Variants in HDAC4 observed in about 807,000 individuals in gnomAD.
HDAC4 encodes histone deacetylase 4.
Under a neutral mutation model 135.1 loss-of-function variants are expected in HDAC4, and 16 were observed. The observed-to-expected ratio is 0.12, with a 90% CI of 0.08 to 0.18. The LOEUF is 0.18. Among genes scored for constraint, HDAC4 ranks in the 10% least tolerant of loss-of-function variants. HDAC4 has a pLI of 1.00. For missense variants in HDAC4, 1,143 were observed against 1,511.8 expected, an observed-to-expected ratio of 0.76 and a Z score of 4.05; for synonymous variants, 685 against 653.4, an observed-to-expected ratio of 1.05 and a Z score of -0.74.
chr2:239,102,058 CCCCGGGT>C (rs2037709941), intron 16 of HDAC4, among the ~76,000 whole-genome samples: 2 of 108,016 alleles, frequency 1.9e-5, no homozygotes, highest in East Asian at 3.3e-4. Flanking sequence ...AAGCCCCCGG[CCCCGGGT>C]CCACGTTCTG....
chr2:239,225,957 C>T (rs532541620), intron 3 of HDAC4, among the ~76,000 whole-genome samples: 9 of 152,196 alleles, frequency 5.9e-5, no homozygotes, highest in East Asian at 1.9e-4. Context: ...GTTGGTACGG[C>T]GAAAACATGA....
At chr2:239,243,115 C>T (rs1057164937) in intron 2 of HDAC4, among the ~76,000 whole-genome samples, 4 of 151,788 alleles carry the variant, frequency 2.6e-5, no homozygotes, top group Admixed American at 1.3e-4. Flanking sequence ...TTCAATATTT[C>T]GTTATGAGCA....
At chr2:239,247,084 T>A in intron 2 of HDAC4, among the ~76,000 whole-genome samples, 1 of 152,236 alleles carries the variant, frequency 6.6e-6, no homozygotes, top group East Asian at 1.9e-4. Context: ...CTTCAGTTAA[T>A]GATGAAAGGT....
intron 2 of HDAC4, among the ~76,000 whole-genome samples, chr2:239,273,363 C>G (rs1320882592): frequency 1.3e-5 from 2 of 152,188 alleles, no homozygotes; most frequent in African/African-American, 4.8e-5. Context: ...AACGACAAAA[C>G]TCACCAGTGA....
intron 3 of HDAC4, among the ~76,000 whole-genome samples, chr2:239,221,138 T>C (rs1042345888): frequency 3.3e-5 from 5 of 152,154 alleles, no homozygotes; most frequent in Admixed American, 3.3e-4. Context: ...ATGATTCCTC[T>C]ACATGAAGGA....
At chr2:239,116,011 G>C (rs1054068799) in intron 12 of HDAC4, among the ~76,000 whole-genome samples, 17 of 152,090 alleles carry the variant, frequency 1.1e-4, no homozygotes, top group African/African-American at 3.6e-4. Flanking sequence ...TCCCTCCTGT[G>C]GGACTCCCTA....
At position 239,142,717 on chromosome 2, in the gene HDAC4, G is replaced by A. The variant is rs911046453; in HGVS notation, c.865+1866C>T. ...CATGCCCTGTCACACATGACTCCTG[G>A]GTGAGCTTAGCACTGATCAAGCCCT... On this transcript the variant is annotated intron_variant, in intron 8 of 26. Transcript: ENST00000543185. 1.5e-4 allele frequency among the ~76,000 whole-genome samples: 23 copies of A among 151,072 alleles called. No homozygotes were observed. In the South Asian group the frequency reaches 2.9e-3, roughly 19 times the overall value.
rs1333497369 is a variant in HDAC4 at position 239,051,584 on chromosome 2, ATTC to A, written c.*1510_*1512del. ...ATACAAAAATCAACAGCAAATTTATATTCTTTGCTATAAAAACTCATTAGGTAC... is the reference window on the plus strand; with the variant it reads ...ATACAAAAATCAACAGCAAATTTATATTTGCTATAAAAACTCATTAGGTAC... On this transcript the variant is annotated 3_prime_UTR_variant, in exon 27 of 27. Coordinates refer to ENST00000543185, the MANE Select transcript of HDAC4 (RefSeq NM_001378414.1). 1 of 152,640 alleles carries A rather than the reference ATTC, an allele frequency of 6.6e-6. No homozygotes were observed. The highest frequency in any genetic ancestry group is 2.4e-5 in the African/African-American group (1 of 41,458). The allele number at this position is 152,640 out of a possible 1,614,324, so 9.5% of individuals were successfully genotyped here.
chr2:239,295,984 C>T (rs933701349), intron 2 of HDAC4, among the ~76,000 whole-genome samples: 1 of 152,182 alleles, frequency 6.6e-6, no homozygotes, highest in African/African-American at 2.4e-5. Context: ...AGGCAATGGG[C>T]GCATCTACAG....
intron 3 of HDAC4, among the ~76,000 whole-genome samples, chr2:239,207,615 T>A (rs1244407497): frequency 6.6e-6 from 1 of 152,168 alleles, no homozygotes; most frequent in Non-Finnish European, 1.5e-5. Flanking sequence ...CCAGTAAGTT[T>A]TAAAACTTAC....
Position 239,115,405 on chromosome 2 carries a change from C to T in HDAC4, c.1534-95G>A. 6.7e-7 allele frequency: 1 copy of T among 1,499,108 alleles called. No homozygotes were observed. 92.9% of individuals were successfully genotyped at this position (1,499,108 alleles called of 1,614,324 possible). A position where few individuals can be genotyped will look rare whatever the true frequency, so the allele number is the denominator to read the frequency against. ...ATGCTGCAAACCCCACCCTCTGGGG[C>T]AGACAATCAGGGACTCAGGGCACCT... On this transcript the variant is annotated intron_variant, in intron 12 of 26. Transcript: ENST00000543185. The surrounding 1 kb of genome is among the most constrained non-coding windows in gnomAD (Gnocchi z 6.3).
rs61333513 is a variant in HDAC4 at position 239,313,864 on chromosome 2, G to A, written c.22+38814C>T. Among the ~76,000 whole-genome samples the A allele has an allele frequency of 0.04, 6,118 of 152,182 alleles. 203 individuals carry two copies. The highest frequency in any genetic ancestry group is 0.089 in the African/African-American group (3,706 of 41,522). On this transcript the variant is annotated intron_variant, in intron 2 of 26. Coordinates refer to ENST00000543185, the MANE Select transcript of HDAC4 (RefSeq NM_001378414.1). The surrounding 1 kb of genome is among the most constrained non-coding windows in gnomAD (Gnocchi z 5.1). ...ACATGAAAGCCAGCCTGGAGCCCAG[G>A]GCCTGTCCTGGGGCAGCCACCTGCA... is the stretch of plus-strand genomic sequence containing the variant.
In HDAC4 at chr2:239,068,061, C is replaced by T. The variant is rs982056179; in HGVS notation, c.2869+428G>A. Among the ~76,000 whole-genome samples, 29 of 152,206 alleles carry T rather than the reference C, an allele frequency of 1.9e-4. No homozygotes were observed. The highest frequency in any genetic ancestry group is 7.0e-4 in the African/African-American group (29 of 41,458). The stretch of plus-strand genomic sequence containing the variant: ...GCTGATCCTGAGAGGACACACACAT[C>T]CTGGGCTCCCTCATCCAACTCTGAA... On this transcript the variant is annotated intron_variant, in intron 23 of 26. Transcript: ENST00000543185. The surrounding 1 kb of genome is among the most constrained non-coding windows in gnomAD (Gnocchi z 4.4).
intron 1 of HDAC4, among the ~76,000 whole-genome samples, chr2:239,375,513 G>A (rs1395185335): frequency 6.6e-6 from 1 of 152,170 alleles, no homozygotes; most frequent in Non-Finnish European, 1.5e-5. Flanking sequence ...CCCCACCAGG[G>A]CAACACCACT....
At chr2:239,357,630 T>C (rs1490017411) in intron 1 of HDAC4, among the ~76,000 whole-genome samples, 1 of 151,646 alleles carries the variant, frequency 6.6e-6, no homozygotes, top group African/African-American at 2.4e-5. Flanking sequence ...ACACCTGTAA[T>C]TGTAGCACTT....
intron 1 of HDAC4, among the ~76,000 whole-genome samples, chr2:239,361,370 G>C (rs1693856800): frequency 6.6e-6 from 1 of 152,240 alleles, no homozygotes; most frequent in Non-Finnish European, 1.5e-5. Context: ...TGATATCAAA[G>C]ATTCCAGAAA....
chr2:239,254,770 A>G (rs2048966436), intron 2 of HDAC4, among the ~76,000 whole-genome samples: 1 of 152,256 alleles, frequency 6.6e-6, no homozygotes, highest in Non-Finnish European at 1.5e-5. Context: ...CAGACATAAC[A>G]GTCCTTAGAT....
At chr2:239,135,252 A>G (rs2040870124) in intron 9 of HDAC4, among the ~76,000 whole-genome samples, 1 of 152,224 alleles carries the variant, frequency 6.6e-6, no homozygotes, top group African/African-American at 2.4e-5. Flanking sequence ...ACCCACAAAA[A>G]TTAAAAATAA....
chr2:239,104,401 G>T (rs1204658875), intron 15 of HDAC4, among the ~76,000 whole-genome samples: 1 of 152,060 alleles, frequency 6.6e-6, no homozygotes, highest in Non-Finnish European at 1.5e-5. Flanking sequence ...GCTAATTTTT[G>T]TATTTTTATC....
Sources: gnomAD v4.1 joint callset for allele counts (sites outside exome capture counted in the v4.1 genomes callset) on GRCh38, gnomAD v4.1.1 for gene constraint, Gnocchi (gnomAD v3.1) non-coding constraint, MANE v1.5 for transcripts, NCBI Gene and HGNC (gene_info 2026-07-23, HGNC 2026-07-21) for gene names.